The following PODNL1 variants were observed in gnomAD, a reference collection of about 807,000 sequenced individuals.
PODNL1 encodes podocan like 1.
PODNL1 carries 50 observed loss-of-function variants against 45.1 expected under a neutral mutation model. The ratio of observed to expected loss-of-function variants is 1.11; its 90% confidence interval spans 0.88 to 1.40. PODNL1 has a LOEUF of 1.40. Among genes scored for constraint, PODNL1 ranks in the 40% most tolerant of loss-of-function variants. The pLI is 0.00. For missense variants in PODNL1, 788 were observed against 793.3 expected (o/e 0.99, Z 0.08); for synonymous variants, 406 against 372.5 (o/e 1.09, Z -1.04).
At chr19:13,934,202 T>C in intron 6 of PODNL1, 52 bp downstream of exon 6, 2 of 1,477,754 alleles carry the variant, frequency 1.4e-6, no homozygotes, top group Non-Finnish European at 9.0e-7. Context: ...GGGGTCCCCC[T>C]GGAAAGAGGT....
Position 13,935,048 on chromosome 19 carries a change from GAGTC to G in PODNL1, c.495-642_495-639del, listed in dbSNP as rs553655530. Among the ~76,000 whole-genome samples, 151 of 152,046 alleles carry G rather than the reference GAGTC, an allele frequency of 9.9e-4. No homozygotes were observed. In the Middle Eastern group the frequency reaches 0.014, roughly 14 times the overall value. Reference sequence around the variant, plus strand: ...TGGAAGTGTGTGCAGGTGTGTATGTGAGTCTGTGTGTGTGCTTGTGTGTGCATGT... The same window carrying G: ...TGGAAGTGTGTGCAGGTGTGTATGTGTGTGTGTGTGCTTGTGTGTGCATGT... On this transcript the variant is annotated intron_variant, in intron 5 of 9. Transcript: ENST00000588872.
At chr19:13,942,540 C>T (rs8102406), upstream of PODNL1, among the ~76,000 whole-genome samples, 2,060 of 152,292 alleles carry the variant, frequency 0.014, 55 homozygotes, top group African/African-American at 0.048. Flanking sequence ...CCACACTGTC[C>T]TGTCCAGTCC....
upstream of PODNL1, chr19:13,938,574 G>T: frequency 1.6e-6 from 1 of 607,970 alleles, no homozygotes; most frequent in Non-Finnish European, 2.1e-6. Flanking sequence ...GGGATGGAGG[G>T]ATGGGGGGAG....
chr19:13,941,976 A>G (rs1027517334), upstream of PODNL1, among the ~76,000 whole-genome samples: 6 of 152,056 alleles, frequency 3.9e-5, no homozygotes, highest in Non-Finnish European at 5.9e-5. Context: ...AGTACTCCCC[A>G]TGGGATGGAT....
At chr19:13,948,580 G>C (rs531262399) in intron 1 of PODNL1, among the ~76,000 whole-genome samples, 1 of 150,396 alleles carries the variant, frequency 6.6e-6, no homozygotes, top group African/African-American at 2.4e-5. Context: ...GCTCCCCCAA[G>C]ACTATTCCTG....
In PODNL1 at chr19:13,938,385, C is replaced by T. The variant is rs893365140; in HGVS notation, c.-204G>A. ...CCCCGCCCTGGGGAGGACGGGCAGG[C>T]GGCCGGATGGGGTGGTGAGGACAGG... On this transcript the variant is annotated 5_prime_UTR_variant, in exon 1 of 10. Coordinates refer to ENST00000588872, the MANE Select transcript of PODNL1 (RefSeq NM_001370095.3). 22 of 1,388,784 alleles carry T rather than the reference C, an allele frequency of 1.6e-5. No homozygotes were observed. Among genetic ancestry groups the T allele is most frequent in the South Asian group, 1.2e-4 (7 of 56,846 alleles). 86.0% of individuals were successfully genotyped at this position (1,388,784 alleles called of 1,614,324 possible).
intron 5 of PODNL1, among the ~76,000 whole-genome samples, chr19:13,935,306 A>C (rs1183316965): frequency 6.6e-6 from 1 of 152,050 alleles, no homozygotes; most frequent in Non-Finnish European, 1.5e-5. Context: ...TAAGCCCTCC[A>C]GGGCAAGGCA....
chr19:13,937,570 C>G (rs1181379144), intron 2 of PODNL1, among the ~76,000 whole-genome samples: 1 of 152,024 alleles, frequency 6.6e-6, no homozygotes, highest in African/African-American at 2.4e-5. Context: ...CCTCAGTCCC[C>G]GACAACTTCC....
At chr19:13,932,599 T>A in intron 8 of PODNL1, 199 bp downstream of exon 8, 1 of 1,417,518 alleles carries the variant, frequency 7.1e-7, no homozygotes, top group East Asian at 2.3e-5. Flanking sequence ...AAAGCGATTC[T>A]CCTGCCTTGG....
At chr19:13,935,653 G>T in intron 5 of PODNL1, 68 bp downstream of exon 5, 1 of 1,220,978 alleles carries the variant, frequency 8.2e-7, no homozygotes, top group Non-Finnish European at 1.1e-6. Context: ...CTCCCTCATT[G>T]CTCCTAGAAC....
At chr19:13,937,485 TAACCCCAA>T (rs1160722642) in intron 2 of PODNL1, among the ~76,000 whole-genome samples, 1 of 120,796 alleles carries the variant, frequency 8.3e-6, no homozygotes, top group African/African-American at 3.2e-5. Context: ...AACATCCCCA[TAACCCCAA>T]ACTCCCCATC....
chr19:13,947,048 A>C (rs1972841759), intron 1 of PODNL1, among the ~76,000 whole-genome samples: 3 of 146,778 alleles, frequency 2.0e-5, no homozygotes, highest in African/African-American at 8.0e-5. Context: ...AAAAAACACA[A>C]AAAAACAAAA....
At chr19:13,934,587 C>T (rs1260229096) in intron 5 of PODNL1, among the ~76,000 whole-genome samples, 177 bp from the exon 6 acceptor site, 2 of 150,980 alleles carry the variant, frequency 1.3e-5, no homozygotes, top group Admixed American at 1.3e-4. Flanking sequence ...TGTGACTGTG[C>T]GTAGGTGTGC....
At chr19:13,952,568 GC>G in intron 1 of PODNL1, 1 of 1,265,524 alleles carries the variant, frequency 7.9e-7, no homozygotes. Flanking sequence ...GGCGGCGGCG[GC>G]CCCGGGGGAG....
At position 13,932,993 on chromosome 19, in the gene PODNL1, C is replaced by T. The variant is rs555543800; in HGVS notation, c.1230G>A (p.Gly410=). ...LRALRSLDLA[G]NQLTRLPMGL... The stretch of plus-strand genomic sequence containing the variant: ...CCATGGGCAGCCGGGTTAGCTGATT[C>T]CCTGCCAGGTCGAGGCTGCGCAGGG... Residue 410 remains glycine, a synonymous_variant, in exon 8 of 10, where the codon GGG becomes GGA. Transcript: ENST00000588872. The T allele has an allele frequency of 6.5e-7, 1 of 1,548,434 alleles. No homozygotes were observed. Among genetic ancestry groups the T allele is most frequent in the African/African-American group, 1.4e-5 (1 of 73,674 alleles).
rs1435126993 is a variant in PODNL1, at chr19:13,937,970, G to GC, written c.39dup (p.Pro14AlafsTer41). The GC allele has an allele frequency of 3.0e-5, 46 of 1,541,230 alleles. No individual in the cohort carries two copies. Among genetic ancestry groups the GC allele is most frequent in the South Asian group, 1.2e-4 (10 of 83,820 alleles). On this transcript the variant is annotated frameshift_variant, in exon 2 of 10. Coordinates refer to ENST00000588872, the MANE Select transcript of PODNL1 (RefSeq NM_001370095.3). LOFTEE classifies it high-confidence loss of function. ...TCTTCCAAGCCGGCGACGGGCGGGG[G>GC]CCCCGGCAACAGCAGGAGCAGCAGC...
chr19:13,936,754 C>T, intron 2 of PODNL1, among the ~76,000 whole-genome samples: 1 of 117,660 alleles, frequency 8.5e-6, no homozygotes, highest in African/African-American at 3.3e-5. Context: ...CCCAAATGCA[C>T]CATCACCCCC....
Position 13,931,602 on chromosome 19 carries a change from A to T in PODNL1, c.*135T>A. On this transcript the variant is annotated 3_prime_UTR_variant, in exon 10 of 10. Coordinates refer to ENST00000588872, the MANE Select transcript of PODNL1 (RefSeq NM_001370095.3). Reference sequence around the variant, plus strand: ...AGCTGTGTGCCTCTGTGTCTCGGCCAGTGGCAGGCAGAGCAGGCCCAGCCC... The same window carrying T: ...AGCTGTGTGCCTCTGTGTCTCGGCCTGTGGCAGGCAGAGCAGGCCCAGCCC... 1.0e-6 allele frequency: 1 copy of T among 962,820 alleles called. No individual in the cohort carries two copies. Among genetic ancestry groups the T allele is most frequent in the Non-Finnish European group, 1.3e-6 (1 of 743,460 alleles). The allele number at this position is 962,820 out of a possible 1,614,324, so 59.6% of individuals were successfully genotyped here.
At chr19:13,948,943 A>G (rs1160717137) in intron 1 of PODNL1, among the ~76,000 whole-genome samples, 1 of 122,678 alleles carries the variant, frequency 8.2e-6, no homozygotes, top group Non-Finnish European at 1.6e-5. Context: ...TCTGTCTCAG[A>G]AAAAAAAAAA....
Sources: allele counts gnomAD v4.1 joint callset (sites outside exome capture counted in the v4.1 genomes callset), GRCh38; gene constraint gnomAD v4.1.1; transcripts MANE v1.5; gene names NCBI Gene and HGNC (gene_info 2026-07-23, HGNC 2026-07-21).